ALK: variants seen among roughly 807,000 people sequenced by gnomAD.
ALK encodes the protein ALK receptor tyrosine kinase, also known as ALK tyrosine kinase receptor.
Under a neutral mutation model 163.1 loss-of-function variants are expected in ALK, and 74 were observed. The observed-to-expected ratio is 0.45, with a 90% CI of 0.38 to 0.55. The LOEUF is 0.55. Among genes scored for constraint, ALK ranks in the 20% least tolerant of loss-of-function variants. The probability of loss-of-function intolerance (pLI) is 0.00; values close to 1 mark genes in which losing one functional copy is unlikely to be tolerated. For synonymous variants in ALK, 960 were observed against 843.2 expected, an observed-to-expected ratio of 1.14 and a Z score of -2.40; for missense variants, 2,063 against 2,105.3, an observed-to-expected ratio of 0.98 and a Z score of 0.39.
intron 5 of ALK, among the ~76,000 whole-genome samples, chr2:29,346,652 C>T (rs113883348): frequency 2.6e-5 from 4 of 152,220 alleles, no homozygotes; most frequent in Admixed American, 6.5e-5. Context: ...AACTAAATAC[C>T]GATATGTTTT....
chr2:29,920,655 C>T lies in ALK; in HGVS notation c.5G>A (p.Gly2Glu), dbSNP rs1459946897. 6.5e-7 allele frequency: 1 copy of T among 1,536,128 alleles called. No individual in the cohort carries two copies. The highest frequency in any genetic ancestry group is 8.7e-7 in the Non-Finnish European group (1 of 1,148,182). The change falls in exon 1 of 29, where the codon GGA (glycine) becomes GAA (glutamate). Residue 2 changes from glycine to glutamate, a missense_variant. By Grantham distance (98) the Gly-to-Glu change is moderately conservative. Coordinates refer to ENST00000389048, the MANE Select transcript of ALK (RefSeq NM_004304.5). MGAIGLLWLLPL... is the reference protein window; with the variant it reads MEAIGLLWLLPL... ...CAGGAGCCACAGGAGCCCGATGGCT[C>T]CCATCCCGCCGGAGGAGGCCGTTTA...
chr2:29,711,205 C>T lies in ALK; in HGVS notation c.787+6373G>A, dbSNP rs1448390552. Among the ~76,000 whole-genome samples, 6 of 152,200 alleles carry T rather than the reference C, an allele frequency of 3.9e-5. No individual in the cohort carries two copies. The East Asian group carries it at 1.2e-3, about 29-fold the overall frequency. ...GAGCATTCTCAGAGTAACTGTCTCT[C>T]CAGCCTCACCCCAGGTCCTCTACAA... On this transcript the variant is annotated intron_variant, in intron 2 of 28. Transcript: ENST00000389048.
intron 4 of ALK, among the ~76,000 whole-genome samples, chr2:29,433,446 C>A (rs1670327570): frequency 6.6e-6 from 1 of 152,096 alleles, no homozygotes; most frequent in Admixed American, 6.5e-5. Context: ...GAGAGAATAC[C>A]AAATTGTTCC....
intron 11 of ALK, among the ~76,000 whole-genome samples, chr2:29,261,637 C>T (rs183811604): frequency 1.6e-4 from 25 of 152,258 alleles, no homozygotes; most frequent in Admixed American, 1.3e-3. Flanking sequence ...TGCCTATTTT[C>T]GATACAGCTC....
At chr2:29,783,748 T>C (rs1338529400) in intron 1 of ALK, among the ~76,000 whole-genome samples, 1 of 152,064 alleles carries the variant, frequency 6.6e-6, no homozygotes, top group East Asian at 1.9e-4. Flanking sequence ...ACACTACCCT[T>C]TAGGGAGACA....
intron 1 of ALK, among the ~76,000 whole-genome samples, chr2:29,859,285 G>A (rs1322660839): frequency 6.6e-6 from 1 of 152,204 alleles, no homozygotes; most frequent in East Asian, 1.9e-4. Flanking sequence ...CAGTTGTTCA[G>A]CAGGAGGTCA....
intron 12 of ALK, among the ~76,000 whole-genome samples, chr2:29,250,484 T>C (rs1271539894): frequency 6.6e-6 from 1 of 152,140 alleles, no homozygotes; most frequent in Admixed American, 6.5e-5. Flanking sequence ...CAGAACCAGA[T>C]GCTGCAGGAG....
chr2:29,681,839 T>C (rs1445334524), intron 3 of ALK, among the ~76,000 whole-genome samples: 1 of 152,002 alleles, frequency 6.6e-6, no homozygotes, highest in Non-Finnish European at 1.5e-5. Flanking sequence ...TGAGTTTTCA[T>C]CCTGTCTTTG....
At chr2:29,518,029 T>A (rs1672717043) in intron 4 of ALK, among the ~76,000 whole-genome samples, 1 of 152,114 alleles carries the variant, frequency 6.6e-6, no homozygotes, top group South Asian at 2.1e-4. Context: ...TCCCTGGAGA[T>A]ATGGAGAATA....
chr2:29,863,441 T>C (rs1209785403), intron 1 of ALK, among the ~76,000 whole-genome samples: 1 of 152,066 alleles, frequency 6.6e-6, no homozygotes, highest in Non-Finnish European at 1.5e-5. Flanking sequence ...AATGACCCAA[T>C]TTAAAAATGA....
intron 1 of ALK, among the ~76,000 whole-genome samples, chr2:29,829,720 G>C (rs1665310481): frequency 6.6e-6 from 1 of 152,148 alleles, no homozygotes; most frequent in Admixed American, 6.5e-5. Flanking sequence ...ATTGAGTTCT[G>C]CTGTTAGAAA....
intron 8 of ALK, among the ~76,000 whole-genome samples, chr2:29,301,492 T>C (rs1053905616): frequency 1.3e-5 from 2 of 152,190 alleles, no homozygotes; most frequent in Non-Finnish European, 2.9e-5. Flanking sequence ...AGGGAGACAC[T>C]CTCATCTTTG....
chr2:29,484,453 G>A (rs1671734199), intron 4 of ALK, among the ~76,000 whole-genome samples: 1 of 152,196 alleles, frequency 6.6e-6, no homozygotes, highest in African/African-American at 2.4e-5. Flanking sequence ...TCAGTTTAAA[G>A]TGTTCCTCTA....
chr2:29,619,407 C>A (rs539869083), intron 3 of ALK, among the ~76,000 whole-genome samples: 6 of 152,348 alleles, frequency 3.9e-5, no homozygotes, highest in Middle Eastern at 6.8e-3. Context: ...AAATAAACCA[C>A]CAATACCTGT....
intron 1 of ALK, among the ~76,000 whole-genome samples, chr2:29,878,854 G>C (rs1038248343): frequency 6.6e-5 from 10 of 152,166 alleles, no homozygotes; most frequent in African/African-American, 1.9e-4. Flanking sequence ...GTAAAATCAG[G>C]GGACAGTGCT....
chr2:29,880,196 C>T (rs1666819812), intron 1 of ALK, among the ~76,000 whole-genome samples: 1 of 152,180 alleles, frequency 6.6e-6, no homozygotes, highest in Non-Finnish European at 1.5e-5. Flanking sequence ...CCCTGGCTGC[C>T]TTGGGAGGCA....
chr2:29,597,769 C>T (rs1473400431), intron 3 of ALK, among the ~76,000 whole-genome samples: 1 of 152,220 alleles, frequency 6.6e-6, no homozygotes, highest in African/African-American at 2.4e-5. Context: ...GGAGCGTTCT[C>T]TCCTCTTCAC....
rs187907814 is a variant in ALK, at chr2:29,667,972, T to G, written c.952+26878A>C. Among the ~76,000 whole-genome samples the G allele has an allele frequency of 2.0e-3, 297 of 152,238 alleles. 2 individuals are homozygous for G. The highest frequency in any genetic ancestry group is 2.3e-3 in the South Asian group (11 of 4,830). ...GTTGCTTCAATCTCATTACTCATTA[T>G]TAGTTTATTGAAGTTTTTTATTTCT... On this transcript the variant is annotated intron_variant, in intron 3 of 28. Coordinates refer to ENST00000389048, the MANE Select transcript of ALK (RefSeq NM_004304.5).
chr2:29,449,433 T>G (rs980558078), intron 4 of ALK, among the ~76,000 whole-genome samples: 1 of 152,220 alleles, frequency 6.6e-6, no homozygotes, highest in African/African-American at 2.4e-5. Flanking sequence ...CTAACTTTTC[T>G]TCAAACTGCT....
Sources: allele counts gnomAD v4.1 joint callset (sites outside exome capture counted in the v4.1 genomes callset), GRCh38; gene constraint gnomAD v4.1.1; transcripts MANE v1.5; gene names NCBI Gene and HGNC (gene_info 2026-07-23, HGNC 2026-07-21).